The following CTBP1 variants were observed in gnomAD, a reference collection of about 807,000 sequenced individuals.
The protein encoded by CTBP1 is C-terminal-binding protein 1.
A neutral mutation model predicts 42.1 loss-of-function variants in CTBP1; 11 were observed. The ratio of observed to expected loss-of-function variants is 0.26; its 90% CI spans 0.16 to 0.43. The LOEUF is 0.43. Among genes scored for constraint, CTBP1 ranks in the 20% least tolerant of loss-of-function variants. The pLI is 1.00. For missense variants in CTBP1, 399 were observed against 624.3 expected (o/e 0.64, Z 3.85); for synonymous variants, 324 against 277.1 (o/e 1.17, Z -1.68).
Position 1,248,361 on chromosome 4 carries a change from C to T in CTBP1, c.-189+555G>A, listed in dbSNP as rs548777532. Among the ~76,000 whole-genome samples, 15 of 151,780 alleles carry T rather than the reference C, an allele frequency of 9.9e-5. No homozygotes were observed. In the South Asian group the frequency reaches 3.1e-3, roughly 31 times the overall value. On this transcript the variant is annotated intron_variant, in intron 1 of 9. Coordinates refer to ENST00000382952, the MANE Select transcript of CTBP1 (RefSeq NM_001012614.2). ...GGCAGCGGCCTCCTCCACGGTCATACCCGGCACCCGCGCCCCGTCCCCTTC... is the reference window on the plus strand; with the variant it reads ...GGCAGCGGCCTCCTCCACGGTCATATCCGGCACCCGCGCCCCGTCCCCTTC...
chr4:1,242,753 C>T (rs1401256486), intron 1 of CTBP1: 8 of 985,338 alleles, frequency 8.1e-6, no homozygotes, highest in Non-Finnish European at 9.6e-6. Flanking sequence ...CTGCAGCCTC[C>T]TGCCCTGAAT....
At chr4:1,240,889 G>A (rs1490279557) in intron 2 of CTBP1, among the ~76,000 whole-genome samples, 2 of 152,182 alleles carry the variant, frequency 1.3e-5, no homozygotes, top group African/African-American at 4.8e-5. Context: ...GGCTGTTTCC[G>A]ACTGCACGCA....
In CTBP1 at chr4:1,225,406, G is replaced by A. The variant is rs553745756; in HGVS notation, c.468C>T (p.Ser156=). ...QSVEQIREVA[S]GAARIRGETL... ...TCTCCCCGCGGATCCTGGCAGCGCC[G>A]GACGCCACCTCGCGGATCTGCTCGA... Residue 156 remains serine (S), a synonymous_variant, in exon 5 of 10, where the codon TCC becomes TCT. Coordinates refer to ENST00000382952, the MANE Select transcript of CTBP1 (RefSeq NM_001012614.2). 9.8e-5 allele frequency: 154 copies of A among 1,567,000 alleles called. No homozygotes were observed. The East Asian group carries it at 3.1e-3, about 32-fold the overall frequency.
At chr4:1,213,119 T>C in intron 8 of CTBP1, 89 bp from the exon 9 acceptor site, 9 of 1,146,522 alleles carry the variant, frequency 7.8e-6, no homozygotes, top group Non-Finnish European at 1.2e-5. Flanking sequence ...GCAGCAGGAT[T>C]CTTGGCAGTG....
Position 1,216,045 on chromosome 4 carries a change from G to A in CTBP1, c.675C>T (p.His225=). 1 of 1,611,740 alleles carries A rather than the reference G, an allele frequency of 6.2e-7. No homozygotes were observed. Among genetic ancestry groups the A allele is most frequent in the East Asian group, 2.2e-5 (1 of 44,882 alleles). ...LLFHSDCVTL[H]CGLNEHNHHL... ...GGTGGTTGTGCTCGTTGAGGCCGCA[G>A]TGCAGGGTCACGCAGTCGCTGTGGA... is the stretch of plus-strand genomic sequence containing the variant. Residue 225 remains histidine, a synonymous_variant, in exon 6 of 10, where the codon CAC becomes CAT. Transcript: ENST00000382952.
chr4:1,242,481 C>T (rs918042191), intron 1 of CTBP1: 11 of 984,974 alleles, frequency 1.1e-5, no homozygotes, highest in Admixed American at 6.1e-5. Context: ...GCTGTGAGGC[C>T]GCCCCTGCGC....
At chr4:1,241,809 A>C in intron 1 of CTBP1, 1 of 1,177,668 alleles carries the variant, frequency 8.5e-7, no homozygotes, top group Non-Finnish European at 1.1e-6. Flanking sequence ...CCACCCCCAC[A>C]GGCTCTAGCC....
intron 1 of CTBP1, among the ~76,000 whole-genome samples, chr4:1,248,452 C>A (rs1211699561): frequency 6.6e-6 from 1 of 150,384 alleles, no homozygotes; most frequent in Non-Finnish European, 1.5e-5. Flanking sequence ...GCGAGTGGCC[C>A]GGGAGCGCGC....
intron 3 of CTBP1, among the ~76,000 whole-genome samples, chr4:1,232,504 G>A (rs1487822030): frequency 1.3e-5 from 2 of 151,976 alleles, no homozygotes; most frequent in Non-Finnish European, 2.9e-5. Context: ...TAGAGACGAG[G>A]TTTCACCATG....
At chr4:1,217,506 G>C (rs1577022014) in intron 5 of CTBP1, 1 of 152,424 alleles carries the variant, frequency 6.6e-6, no homozygotes, top group Non-Finnish European at 1.5e-5. Context: ...GGGAGGAAGA[G>C]AACACAGGCA....
At position 1,212,977 on chromosome 4, in the gene CTBP1, C is replaced by T. The variant is rs757726580; in HGVS notation, c.1042G>A (p.Ala348Thr). ...NCVNKDHLTA[A>T]THWASMDPAV... ...GGGTCCATGCTGGCCCAGTGGGTGG[C>T]GGCTGTCAGATGGTCCTTGTTGACA... is the stretch of plus-strand genomic sequence containing the variant. Residue 348 changes from alanine (A) to threonine (T), a missense_variant, in exon 9 of 10, where the codon GCC (alanine) becomes ACC (threonine). Transcript: ENST00000382952. 28 of 1,613,846 alleles carry T rather than the reference C, an allele frequency of 1.7e-5. No individual in the cohort carries two copies. Among genetic ancestry groups the T allele is most frequent in the East Asian group, 1.3e-4 (6 of 44,872 alleles).
chr4:1,247,714 G>C (rs1732866133), intron 1 of CTBP1, among the ~76,000 whole-genome samples: 1 of 151,554 alleles, frequency 6.6e-6, no homozygotes. Flanking sequence ...TTTTCTTCCC[G>C]AGGGACGTGT....
At chr4:1,224,488 CGTGTGTGATGTCT>C (rs1730106917) in intron 5 of CTBP1, among the ~76,000 whole-genome samples, 1 of 150,640 alleles carries the variant, frequency 6.6e-6, no homozygotes, top group Non-Finnish European at 1.5e-5. Flanking sequence ...CTGTGATGTC[CGTGTGTGATGTCT>C]GTGAGGCCCA....
intron 5 of CTBP1, 150 bp from the exon 6 acceptor site, chr4:1,216,355 C>A: frequency 1.3e-6 from 1 of 750,980 alleles, no homozygotes; most frequent in Non-Finnish European, 2.1e-6. Flanking sequence ...TGCCCACGCA[C>A]GCTCCACACG....
intron 1 of CTBP1, chr4:1,244,253 C>T (rs1732487537): frequency 1.0e-6 from 1 of 985,112 alleles, no homozygotes; most frequent in Non-Finnish European, 1.2e-6. Flanking sequence ...GGCATCGGTC[C>T]ATTCTGGTCT....
intron 1 of CTBP1, chr4:1,244,312 G>A (rs866233954): frequency 1.0e-6 from 1 of 983,156 alleles, no homozygotes; most frequent in Non-Finnish European, 1.2e-6. Flanking sequence ...CATGGGCTGG[G>A]ACCTGCCCCG....
intron 3 of CTBP1, among the ~76,000 whole-genome samples, chr4:1,230,753 C>G (rs1454677479): frequency 6.6e-6 from 1 of 152,246 alleles, no homozygotes; most frequent in African/African-American, 2.4e-5. Context: ...ATCAGATTCA[C>G]GTGAATATGA....
intron 1 of CTBP1, 155 bp from the exon 2 acceptor site, chr4:1,241,674 G>A: frequency 7.8e-7 from 1 of 1,285,414 alleles, no homozygotes; most frequent in East Asian, 4.3e-5. Context: ...CCTGCTGACA[G>A]CCAGGGGCCC....
Position 1,233,889 on chromosome 4 carries a change from G to T in CTBP1, c.162+4294C>A, listed in dbSNP as rs1228030812. ...AAGCAGGTGTTCAGTTTCCTCCCAC[G>T]CCAAAGCCTGGAGACAGGGAGCCTG... On this transcript the variant is annotated intron_variant, in intron 3 of 9. Transcript: ENST00000382952. This position sits in a 1 kb window ranked among gnomAD's most constrained non-coding sequence, Gnocchi z 4.6. Among the ~76,000 whole-genome samples the T allele has an allele frequency of 6.6e-6, 1 of 152,120 alleles. No individual in the cohort carries two copies. The highest frequency in any genetic ancestry group is 1.9e-4 in the East Asian group (1 of 5,168).
Sources: gnomAD v4.1 joint callset for allele counts (sites outside exome capture counted in the v4.1 genomes callset) on GRCh38, gnomAD v4.1.1 for gene constraint, Gnocchi (gnomAD v3.1) non-coding constraint, MANE v1.5 for transcripts, NCBI Gene and HGNC (gene_info 2026-07-23, HGNC 2026-07-21) for gene names.